TTPA: variants seen among roughly 807,000 people sequenced by gnomAD.
The protein encoded by TTPA is alpha tocopherol transfer protein.
In TTPA, 23 loss-of-function variants were observed where a neutral mutation model predicts 25.9. That is an observed-to-expected ratio of 0.89 (90% CI 0.64 to 1.26). TTPA has a LOEUF of 1.26. Ranked by LOEUF, TTPA falls within the 50% of genes most tolerant of loss-of-function variation. TTPA has a pLI of 0.00. For missense variants in TTPA, 337 were observed against 353.1 expected, an observed-to-expected ratio of 0.95 and a Z score of 0.37; for synonymous variants, 148 against 137.3, an observed-to-expected ratio of 1.08 and a Z score of -0.54.
intron 2 of TTPA, among the ~76,000 whole-genome samples, chr8:63,066,946 G>A (rs1367775979): frequency 6.6e-6 from 1 of 152,012 alleles, no homozygotes; most frequent in Non-Finnish European, 1.5e-5. Flanking sequence ...GCAGTGGTAG[G>A]TGCCTGTATT....
At chr8:63,059,079 T>C (rs1805254043), downstream of TTPA, among the ~76,000 whole-genome samples, 1 of 117,294 alleles carries the variant, frequency 8.5e-6, no homozygotes, top group South Asian at 3.1e-4. Flanking sequence ...TCACCCAGGC[T>C]GGAGTGCAGT....
At chr8:63,070,503 T>A (rs139836763) in intron 2 of TTPA, among the ~76,000 whole-genome samples, 4 of 152,330 alleles carry the variant, frequency 2.6e-5, no homozygotes, top group African/African-American at 9.6e-5. Flanking sequence ...CTTTCTGAGT[T>A]TCTCCCTTTC....
chr8:63,060,548 T>G lies in TTPA; in HGVS notation c.*704A>C, dbSNP rs975806349. 2.0e-5 allele frequency: 3 copies of G among 152,002 alleles called. No individual in the cohort carries two copies. Among genetic ancestry groups the G allele is most frequent in the African/African-American group, 7.3e-5 (3 of 41,308 alleles). 9.4% of individuals were successfully genotyped at this position (152,002 alleles called of 1,614,324 possible). ...GCTTGGCCAACGTGGCAAAACCCCATCTCTATATAAAATACAAAACTTAGC... is the reference window on the plus strand; with the variant it reads ...GCTTGGCCAACGTGGCAAAACCCCAGCTCTATATAAAATACAAAACTTAGC... On this transcript the variant is annotated 3_prime_UTR_variant, in exon 5 of 5. Transcript: ENST00000260116.
At position 63,073,002 on chromosome 8, in the gene TTPA, C is replaced by A. The variant is rs368391591; in HGVS notation, c.291G>T (p.Lys97Asn). 3.1e-6 allele frequency: 5 copies of A among 1,613,928 alleles called. No individual in the cohort carries two copies. Among genetic ancestry groups the A allele is most frequent in the Middle Eastern group, 1.6e-4 (1 of 6,082 alleles). Residue 97 changes from lysine to asparagine, a missense_variant, in exon 2 of 5, where the codon AAG becomes AAT. Transcript: ENST00000260116. The stretch of plus-strand genomic sequence containing the variant: ...ATCTCAGGACTCCATGGTAGCCAGC[C>A]TTTAGGAGGCCAATAATACTTCTAG... ...LHPRSIIGLL[K>N]AGYHGVLRSR...
intron 1 of TTPA, among the ~76,000 whole-genome samples, chr8:63,081,526 G>C (rs1211271128): frequency 6.6e-6 from 1 of 152,156 alleles, no homozygotes; most frequent in Non-Finnish European, 1.5e-5. Flanking sequence ...CAGACCCACA[G>C]TCAGTATCAT....
chr8:63,062,342 A>G (rs146639959), intron 4 of TTPA, among the ~76,000 whole-genome samples: 2,195 of 152,302 alleles, frequency 0.014, 53 homozygotes, highest in African/African-American at 0.049. Flanking sequence ...TTGAACCAAA[A>G]GCATACCTGC....
chr8:63,078,307 C>G (rs1046218244), intron 1 of TTPA, among the ~76,000 whole-genome samples: 2 of 152,148 alleles, frequency 1.3e-5, no homozygotes, highest in African/African-American at 4.8e-5. Context: ...TCCTCACCAG[C>G]AATAGAACAA....
At chr8:63,064,655 CA>C (rs1411943113) in intron 3 of TTPA, among the ~76,000 whole-genome samples, 1 of 151,778 alleles carries the variant, frequency 6.6e-6, no homozygotes, top group Non-Finnish European at 1.5e-5. Flanking sequence ...AACTTTTTCC[CA>C]AAAAATGTTT....
At chr8:63,083,785 G>A (rs931857095) in intron 1 of TTPA, among the ~76,000 whole-genome samples, 11 of 151,968 alleles carry the variant, frequency 7.2e-5, no homozygotes, top group African/African-American at 2.7e-4. Flanking sequence ...CTTTTAGCAG[G>A]TTTATACACA....
intron 1 of TTPA, among the ~76,000 whole-genome samples, chr8:63,085,201 C>T (rs1349608563): frequency 6.6e-6 from 1 of 152,184 alleles, no homozygotes; most frequent in Non-Finnish European, 1.5e-5. Flanking sequence ...CTTTCTGATT[C>T]CTATCTTTCC....
rs779151906 is a variant in TTPA, at chr8:63,072,979, C to T, written c.314G>A (p.Arg105Lys). The T allele has an allele frequency of 6.2e-7, 1 of 1,614,080 alleles. No homozygotes were observed. The highest frequency in any genetic ancestry group is 1.1e-5 in the South Asian group (1 of 91,078). The change falls in exon 2 of 5, where the codon AGA becomes AAA. Residue 105 changes from arginine to lysine, a missense_variant. Arg to Lys is a conservative substitution (Grantham distance 26). Transcript: ENST00000260116. ...LLKAGYHGVLRSRDPTGSKVL... is the reference protein window; with the variant it reads ...LLKAGYHGVLKSRDPTGSKVL... The stretch of plus-strand genomic sequence containing the variant: ...TTTGCTGCCAGTGGGATCCCTGGAT[C>T]TCAGGACTCCATGGTAGCCAGCCTT...
chr8:63,067,044 G>A (rs374718828), intron 2 of TTPA, among the ~76,000 whole-genome samples: 3 of 151,828 alleles, frequency 2.0e-5, no homozygotes, highest in Admixed American at 6.6e-5. Flanking sequence ...AGCAAGAACC[G>A]GTCTGTAAAA....
intron 1 of TTPA, among the ~76,000 whole-genome samples, chr8:63,081,793 T>C (rs1413407085): frequency 6.6e-6 from 1 of 152,150 alleles, no homozygotes; most frequent in Non-Finnish European, 1.5e-5. Context: ...TTCAGCAAAG[T>C]CTCAGGATAC....
intron 2 of TTPA, 125 bp from the exon 3 acceptor site, chr8:63,066,222 AATTG>A (rs1805387965): frequency 9.9e-7 from 1 of 1,009,820 alleles, no homozygotes; most frequent in Non-Finnish European, 1.5e-6. Flanking sequence ...AAAGATCAAG[AATTG>A]ATTAATAAAT....
intron 1 of TTPA, among the ~76,000 whole-genome samples, chr8:63,077,336 T>C (rs150396152): frequency 0.017 from 2,594 of 152,156 alleles, 80 homozygotes; most frequent in African/African-American, 0.059. Flanking sequence ...CCATGGAGGG[T>C]GGGCTGAAGC....
intron 2 of TTPA, among the ~76,000 whole-genome samples, chr8:63,067,473 A>G (rs1805411221): frequency 6.6e-6 from 1 of 151,654 alleles, no homozygotes; most frequent in African/African-American, 2.4e-5. Flanking sequence ...GTAAGTCTTC[A>G]GACTGAAGTG....
chr8:63,085,960 G>A lies in TTPA; in HGVS notation c.62C>T (p.Ser21Phe). The A allele has an allele frequency of 6.6e-7, 1 of 1,525,424 alleles. No individual in the cohort carries two copies. Among genetic ancestry groups the A allele is most frequent in the South Asian group, 1.2e-5 (1 of 82,836 alleles). 94.5% of individuals were successfully genotyped at this position (1,525,424 alleles called of 1,614,324 possible). A position where few individuals can be genotyped will look rare whatever the true frequency, so the allele number is the denominator to read the frequency against. Reference protein sequence around the residue: ...GPQLNALPDHSPLLQPGLAAL... With the variant: ...GPQLNALPDHFPLLQPGLAAL... Reference sequence around the variant, plus strand: ...CGCCAGGCCCGGCTGCAGCAACGGAGAGTGGTCCGGTAGCGCGTTGAGCTG... The same window carrying A: ...CGCCAGGCCCGGCTGCAGCAACGGAAAGTGGTCCGGTAGCGCGTTGAGCTG... Residue 21 changes from serine to phenylalanine, a missense_variant, in exon 1 of 5, where the codon TCT (serine) becomes TTT (phenylalanine). Physicochemically the swap from Ser to Phe is radical, Grantham distance 155 (BLOSUM62 -2). Coordinates refer to ENST00000260116, the MANE Select transcript of TTPA (RefSeq NM_000370.3).
At chr8:63,073,974 A>G (rs963455750) in intron 1 of TTPA, among the ~76,000 whole-genome samples, 1 of 152,174 alleles carries the variant, frequency 6.6e-6, no homozygotes, top group Non-Finnish European at 1.5e-5. Context: ...GGAAAATACT[A>G]AAGCAAATTA....
intron 2 of TTPA, 92 bp downstream of exon 2, chr8:63,072,843 G>A (rs1805503012): frequency 2.7e-6 from 4 of 1,463,272 alleles, no homozygotes; most frequent in Non-Finnish European, 3.8e-6. Flanking sequence ...GGTATTCAAG[G>A]AAGAAATGGA....
Sources: gnomAD v4.1 joint callset for allele counts (sites outside exome capture counted in the v4.1 genomes callset) on GRCh38, gnomAD v4.1.1 for gene constraint, MANE v1.5 for transcripts, NCBI Gene and HGNC (gene_info 2026-07-23, HGNC 2026-07-21) for gene names.